The following EPHB2 variants were observed in gnomAD, a reference collection of about 807,000 sequenced individuals.
EPHB2 encodes EPH receptor B2, also known as ephrin type-B receptor 2.
EPHB2 carries 18 observed loss-of-function variants against 96.4 expected under a neutral mutation model. The ratio of observed to expected loss-of-function variants is 0.19; its 90% CI spans 0.13 to 0.28. The LOEUF (loss-of-function observed/expected upper bound fraction) is 0.28. Among genes scored for constraint, EPHB2 ranks in the 10% least tolerant of loss-of-function variants. The pLI, the probability that EPHB2 is intolerant of heterozygous loss-of-function variation, is 1.00. For missense variants in EPHB2, 989 were observed against 1,355.4 expected, an observed-to-expected ratio of 0.73 and a Z score of 4.25; for synonymous variants, 506 against 534.1, an observed-to-expected ratio of 0.95 and a Z score of 0.72.
chr1:22,734,709 A>G (rs568209667), intron 1 of EPHB2, among the ~76,000 whole-genome samples: 3 of 152,220 alleles, frequency 2.0e-5, no homozygotes, highest in Non-Finnish European at 4.4e-5. Flanking sequence ...GGCATGAGCT[A>G]CCACTCCCGG....
At chr1:22,735,296 A>G (rs1321577645) in intron 1 of EPHB2, among the ~76,000 whole-genome samples, 1 of 151,850 alleles carries the variant, frequency 6.6e-6, no homozygotes, top group Non-Finnish European at 1.5e-5. Flanking sequence ...TTAATTAGTC[A>G]GGCATGGTGG....
intron 1 of EPHB2, among the ~76,000 whole-genome samples, chr1:22,776,269 T>TCC (rs1199759060): frequency 1.3e-5 from 2 of 152,138 alleles, no homozygotes; most frequent in East Asian, 3.8e-4. Context: ...TCCACATCAG[T>TCC]CACTCCCCAC....
In EPHB2 at chr1:22,912,485, C is replaced by T. The variant is rs757499446; in HGVS notation, c.2738C>T (p.Thr913Ile). 1.2e-6 allele frequency: 2 copies of T among 1,614,044 alleles called. No homozygotes were observed. Residue 913 changes from threonine to isoleucine, a missense_variant, in exon 15 of 16, where the codon ACC becomes ATC. Thr to Ile is a moderately conservative substitution (Grantham distance 89). Transcript: ENST00000374630. Reference protein sequence around the residue: ...PLLDRTIPDYTSFNTVDEWLE... With the variant: ...PLLDRTIPDYISFNTVDEWLE... ...CTGGACCGCACGATCCCCGACTACACCAGCTTTAACACGGTGGACGAGTGG... is the reference window on the plus strand; with the variant it reads ...CTGGACCGCACGATCCCCGACTACATCAGCTTTAACACGGTGGACGAGTGG...
chr1:22,881,411 G>C (rs1324853770), intron 5 of EPHB2, among the ~76,000 whole-genome samples: 3 of 151,538 alleles, frequency 2.0e-5, no homozygotes, highest in East Asian at 3.9e-4. Context: ...AAAAAAATTA[G>C]CCAGGCATGG....
intron 1 of EPHB2, among the ~76,000 whole-genome samples, chr1:22,776,492 A>G (rs1002423062): frequency 2.6e-5 from 4 of 152,232 alleles, no homozygotes; most frequent in Admixed American, 2.6e-4. Context: ...TCACCGTCAC[A>G]GTGGGGATGG....
rs1308159785 is a variant in EPHB2 at position 22,862,996 on chromosome 1, T to C, written c.812-41T>C. On this transcript the variant is annotated intron_variant, in intron 3 of 15. Transcript: ENST00000374630. Reference sequence around the variant, plus strand: ...CGTGGCTCGTGACCTCTCTGAGTCTTCATCCAGTTTCCTGGTGACTCTCCT... The same window carrying C: ...CGTGGCTCGTGACCTCTCTGAGTCTCCATCCAGTTTCCTGGTGACTCTCCT... The C allele has an allele frequency of 2.5e-6, 4 of 1,613,592 alleles. No homozygotes were observed. In the African/African-American group the frequency reaches 5.3e-5, roughly 22 times the overall value.
chr1:22,826,544 T>C (rs1645226705), intron 3 of EPHB2, among the ~76,000 whole-genome samples: 1 of 152,224 alleles, frequency 6.6e-6, no homozygotes, highest in Non-Finnish European at 1.5e-5. Context: ...TCCTTGCTCC[T>C]GGCATCGGAG....
chr1:22,716,008 T>C (rs1473345323), intron 1 of EPHB2, among the ~76,000 whole-genome samples: 1 of 152,186 alleles, frequency 6.6e-6, no homozygotes, highest in African/African-American at 2.4e-5. Flanking sequence ...GCATTTAATT[T>C]GTCCAGGCAC....
chr1:22,738,791 T>C (rs1297806318), intron 1 of EPHB2, among the ~76,000 whole-genome samples: 2 of 152,150 alleles, frequency 1.3e-5, no homozygotes, highest in Admixed American at 1.3e-4. Context: ...GGTGAGACCT[T>C]GAGGTTGGCA....
chr1:22,876,979 G>T (rs1363788505), intron 5 of EPHB2, among the ~76,000 whole-genome samples: 2 of 151,362 alleles, frequency 1.3e-5, no homozygotes, highest in African/African-American at 4.8e-5. Context: ...CGTGGGACCT[G>T]CCTCCACCAG....
chr1:22,818,441 C>T (rs1193982079), intron 3 of EPHB2, among the ~76,000 whole-genome samples: 1 of 152,156 alleles, frequency 6.6e-6, no homozygotes, highest in East Asian at 1.9e-4. Flanking sequence ...CCCCTGCCTG[C>T]CCTCTTCCCC....
At chr1:22,852,840 C>T (rs1337410593) in intron 3 of EPHB2, among the ~76,000 whole-genome samples, 1 of 152,228 alleles carries the variant, frequency 6.6e-6, no homozygotes, top group Non-Finnish European at 1.5e-5. Context: ...ACCAGGCAGT[C>T]AGCAGGGCAG....
At chr1:22,825,440 CA>C (rs5773024) in intron 3 of EPHB2, among the ~76,000 whole-genome samples, 30,684 of 152,104 alleles carry the variant, frequency 0.2, 3,150 homozygotes, top group South Asian at 0.32. Context: ...GAGCCTAGAT[CA>C]GGGGGTGAGC....
At chr1:22,791,887 A>G (rs530143702) in intron 3 of EPHB2, among the ~76,000 whole-genome samples, 58 of 152,264 alleles carry the variant, frequency 3.8e-4, no homozygotes, top group Admixed American at 2.6e-3. Context: ...GTCAAAGGGC[A>G]TGTACTTTTT....
intron 1 of EPHB2, among the ~76,000 whole-genome samples, chr1:22,712,537 G>A (rs1194382714): frequency 6.6e-6 from 1 of 152,012 alleles, no homozygotes; most frequent in African/African-American, 2.4e-5. Context: ...TACAACTTCA[G>A]TTTCTCTTTC....
Position 22,766,571 on chromosome 1 carries a change from T to C in EPHB2, c.62-14850T>C, listed in dbSNP as rs181435885. ...ACCTATGAGTAGGTGTTATTTACTA[T>C]TCCCATTTCCCAGATGAGGTCACTG... On this transcript the variant is annotated intron_variant, in intron 1 of 15. Transcript: ENST00000374630. Among the ~76,000 whole-genome samples the C allele has an allele frequency of 2.0e-5, 3 of 152,228 alleles. No homozygotes were observed. In the East Asian group the frequency reaches 5.8e-4, roughly 29 times the overall value.
chr1:22,878,194 TG>T (rs1435987503), intron 5 of EPHB2, among the ~76,000 whole-genome samples: 2 of 152,348 alleles, frequency 1.3e-5, no homozygotes, highest in East Asian at 3.9e-4. Flanking sequence ...CAGCCCCTGC[TG>T]AAATCCCTGA....
rs370439896 is a variant in EPHB2, at chr1:22,856,666, A to G, written c.812-6371A>G. ...CTTGCTATGTGACCTTAGGGCGGTC[A>G]CTTCACTCTCCCTGAGCCTCAGTTT... On this transcript the variant is annotated intron_variant, in intron 3 of 15. Transcript: ENST00000374630. 1.4e-3 allele frequency among the ~76,000 whole-genome samples: 215 copies of G among 152,264 alleles called. 1 individual carries two copies. Among genetic ancestry groups the G allele is most frequent in the African/African-American group, 3.8e-3 (157 of 41,544 alleles).
intron 3 of EPHB2, among the ~76,000 whole-genome samples, chr1:22,792,195 C>T (rs574542219): frequency 2.3e-4 from 27 of 116,166 alleles, no homozygotes; most frequent in African/African-American, 8.1e-4. Context: ...GGGGAGTCTG[C>T]GGGGGTGGGG....
Sources: allele counts gnomAD v4.1 joint callset (sites outside exome capture counted in the v4.1 genomes callset), GRCh38; gene constraint gnomAD v4.1.1; transcripts MANE v1.5; gene names NCBI Gene and HGNC (gene_info 2026-07-23, HGNC 2026-07-21).